AHCYL2: variants seen among roughly 807,000 people sequenced by gnomAD.
AHCYL2 encodes adenosylhomocysteinase like 2, also known as S-adenosylhomocysteine hydrolase-like protein 2.
A neutral mutation model predicts 81.4 loss-of-function variants in AHCYL2; 28 were observed. The ratio of observed to expected loss-of-function variants is 0.34; its 90% CI spans 0.25 to 0.47. AHCYL2 has a LOEUF of 0.47. Ranked by LOEUF, AHCYL2 falls within the 20% of genes least tolerant of loss-of-function variation. AHCYL2 has a pLI of 1.00. For synonymous variants in AHCYL2, 272 were observed against 290.2 expected (o/e 0.94, Z 0.64); for missense variants, 551 against 785.1 (o/e 0.70, Z 3.56).
intron 1 of AHCYL2, among the ~76,000 whole-genome samples, chr7:129,312,921 G>A (rs1309918068): frequency 6.6e-6 from 1 of 151,852 alleles, no homozygotes; most frequent in Non-Finnish European, 1.5e-5. Flanking sequence ...ACTGTTAGGT[G>A]TAATACTATA....
chr7:129,353,962 A>C (rs1793653865), intron 1 of AHCYL2, among the ~76,000 whole-genome samples: 2 of 152,036 alleles, frequency 1.3e-5, no homozygotes, highest in Admixed American at 6.6e-5. Flanking sequence ...AATATTAATA[A>C]CTGTGTCAAA....
At chr7:129,410,655 T>C (rs1210265982) in intron 11 of AHCYL2, among the ~76,000 whole-genome samples, 1 of 152,246 alleles carries the variant, frequency 6.6e-6, no homozygotes, top group Non-Finnish European at 1.5e-5. Context: ...AGAGAAATTC[T>C]TCATAGTTAG....
chr7:129,292,382 C>T (rs1197507499), intron 1 of AHCYL2, among the ~76,000 whole-genome samples: 1 of 152,154 alleles, frequency 6.6e-6, no homozygotes, highest in African/African-American at 2.4e-5. Context: ...TGTAATAGAG[C>T]CCACTGGTTG....
chr7:129,250,112 G>A (rs191242439), intron 1 of AHCYL2, among the ~76,000 whole-genome samples: 1 of 152,112 alleles, frequency 6.6e-6, no homozygotes, highest in Non-Finnish European at 1.5e-5. Flanking sequence ...ACTAGCCTGG[G>A]CAACTTAGCA....
chr7:129,279,712 G>A (rs908082358), intron 1 of AHCYL2, among the ~76,000 whole-genome samples: 1 of 152,130 alleles, frequency 6.6e-6, no homozygotes, highest in Non-Finnish European at 1.5e-5. Context: ...AACAAGGGGT[G>A]GATTATTCAT....
At chr7:129,370,565 G>T (rs1248984951) in intron 1 of AHCYL2, among the ~76,000 whole-genome samples, 1 of 152,188 alleles carries the variant, frequency 6.6e-6, no homozygotes, top group African/African-American at 2.4e-5. Flanking sequence ...GGGCGTGGTG[G>T]CGGGCGCCTA....
At chr7:129,372,842 A>T (rs1452653987) in intron 1 of AHCYL2, among the ~76,000 whole-genome samples, 2 of 152,092 alleles carry the variant, frequency 1.3e-5, no homozygotes, top group Non-Finnish European at 1.5e-5. Flanking sequence ...AAAAGAAAGG[A>T]TCACCTCATT....
intron 1 of AHCYL2, among the ~76,000 whole-genome samples, chr7:129,281,886 T>C (rs778035825): frequency 2.6e-5 from 4 of 152,232 alleles, no homozygotes; most frequent in African/African-American, 9.6e-5. Flanking sequence ...TACATTTCCT[T>C]TAGTGCTGCT....
At chr7:129,332,353 A>G (rs1416886746) in intron 1 of AHCYL2, among the ~76,000 whole-genome samples, 1 of 152,130 alleles carries the variant, frequency 6.6e-6, no homozygotes, top group Non-Finnish European at 1.5e-5. Flanking sequence ...TCTGAGATAT[A>G]TTTCTGAGTT....
At chr7:129,258,854 C>T (rs1795520265) in intron 1 of AHCYL2, among the ~76,000 whole-genome samples, 1 of 152,130 alleles carries the variant, frequency 6.6e-6, no homozygotes, top group Non-Finnish European at 1.5e-5. Flanking sequence ...GTAACCGTGG[C>T]AACCATTATA....
intron 1 of AHCYL2, among the ~76,000 whole-genome samples, chr7:129,251,760 A>G (rs760178243): frequency 7.2e-5 from 11 of 151,874 alleles, no homozygotes; most frequent in Non-Finnish European, 1.5e-4. Flanking sequence ...TATAATGGTA[A>G]CTCATATAGT....
In AHCYL2 at chr7:129,299,294, C is replaced by A. The variant is rs113048729; in HGVS notation, c.363+73855C>A. ...CCCTCCTCTACCAAAAAAAAAAAAA[C>A]AAAAAACTATCCGGGCATAGTGGCT... is the stretch of plus-strand genomic sequence containing the variant. On this transcript the variant is annotated intron_variant, in intron 1 of 16. Transcript: ENST00000325006. 6.6e-3 allele frequency among the ~76,000 whole-genome samples: 689 copies of A among 104,154 alleles called. 10 individuals are homozygous for A. The highest frequency in any genetic ancestry group is 0.02 in the African/African-American group (626 of 31,200). 68.3% of individuals were successfully genotyped at this position (104,154 alleles called of 152,430 possible).
intron 1 of AHCYL2, among the ~76,000 whole-genome samples, chr7:129,267,023 T>TAGAG (rs1262678210): frequency 6.6e-6 from 1 of 152,106 alleles, no homozygotes; most frequent in Non-Finnish European, 1.5e-5. Flanking sequence ...GATACATTCA[T>TAGAG]AGAGCATAAT....
At chr7:129,313,813 A>C (rs1797743080) in intron 1 of AHCYL2, among the ~76,000 whole-genome samples, 1 of 152,232 alleles carries the variant, frequency 6.6e-6, no homozygotes, top group Non-Finnish European at 1.5e-5. Flanking sequence ...TTCCATTTTA[A>C]CATTTCTAAA....
chr7:129,385,468 G>A (rs73234741), intron 2 of AHCYL2, among the ~76,000 whole-genome samples: 5 of 152,122 alleles, frequency 3.3e-5, no homozygotes, highest in Admixed American at 1.3e-4. Flanking sequence ...TACATGTTCT[G>A]TGAGATAGAT....
In AHCYL2 at chr7:129,422,507, A is replaced by G. The variant is rs188669101; in HGVS notation, c.1462-333A>G. Among the ~76,000 whole-genome samples the G allele has an allele frequency of 5.0e-4, 76 of 152,080 alleles. No individual in the cohort carries two copies. In the South Asian group the frequency reaches 5.8e-3, roughly 12 times the overall value. ...AGGGCATTTTTTTCCTCTCACATAT[A>G]TATTGTTTTGTGTCCCTGGCTAAAG... On this transcript the variant is annotated intron_variant, in intron 12 of 16. Transcript: ENST00000325006.
chr7:129,235,608 A>T (rs1415570062), intron 1 of AHCYL2, among the ~76,000 whole-genome samples: 1 of 151,998 alleles, frequency 6.6e-6, no homozygotes, highest in Admixed American at 6.6e-5. Flanking sequence ...TTTTTTGTAG[A>T]GATGGGGTTT....
intron 1 of AHCYL2, among the ~76,000 whole-genome samples, chr7:129,362,925 A>G (rs1793984607): frequency 6.6e-6 from 1 of 151,942 alleles, no homozygotes; most frequent in African/African-American, 2.4e-5. Context: ...TTTAGCTTTG[A>G]GCCCTGAAAA....
At chr7:129,358,247 CCGGGCGTGGTGG>C (rs1187707784) in intron 1 of AHCYL2, among the ~76,000 whole-genome samples, 8 of 151,788 alleles carry the variant, frequency 5.3e-5, no homozygotes, top group African/African-American at 1.9e-4. Flanking sequence ...CAAAAATTAG[CCGGGCGTGGTGG>C]CGGGCGCCTG....
Sources: gnomAD v4.1 joint callset for allele counts (sites outside exome capture counted in the v4.1 genomes callset) on GRCh38, gnomAD v4.1.1 for gene constraint, MANE v1.5 for transcripts, NCBI Gene and HGNC (gene_info 2026-07-23, HGNC 2026-07-21) for gene names.